MIS18A: variants seen among roughly 807,000 people sequenced by gnomAD.
The protein encoded by MIS18A is protein Mis18-alpha.
In MIS18A, 14 loss-of-function variants were observed where a neutral mutation model predicts 25.0. The ratio of observed to expected loss-of-function variants is 0.56; its 90% CI spans 0.37 to 0.88. MIS18A has a LOEUF of 0.88. MIS18A is among the 40% of genes least tolerant of loss of function. The pLI, the probability that MIS18A is intolerant of heterozygous loss-of-function variation, is 0.00. For synonymous variants in MIS18A, 134 were observed against 118.6 expected (o/e 1.13, Z -0.84); for missense variants, 292 against 290.8 (o/e 1.00, Z -0.03).
At chr21:32,222,735 T>C in the MIS18A span, among the ~76,000 whole-genome samples, 9 of 112,170 alleles carry the variant, frequency 8.0e-5, no homozygotes, top group South Asian at 1.1e-3. Context: ...ATCAAGACCA[T>C]CCTGGCTAAC....
chr21:32,157,374 CTT>C, the MIS18A span, among the ~76,000 whole-genome samples: 1 of 151,602 alleles, frequency 6.6e-6, no homozygotes, highest in East Asian at 1.9e-4. Context: ...TGGCTGTTTG[CTT>C]TTTCAGGAAT....
chr21:32,161,228 C>T, the MIS18A span, among the ~76,000 whole-genome samples: 39,704 of 152,110 alleles, frequency 0.26, 5,941 homozygotes, highest in Non-Finnish European at 0.31. Context: ...AGAATCCCAT[C>T]GAGGATACAA....
At chr21:32,202,197 G>C in the MIS18A span, among the ~76,000 whole-genome samples, 3 of 152,066 alleles carry the variant, frequency 2.0e-5, no homozygotes, top group Non-Finnish European at 4.4e-5. Context: ...GCTGAGGTGG[G>C]AGGATCACCT....
At chr21:32,159,813 A>G in the MIS18A span, among the ~76,000 whole-genome samples, 1 of 152,214 alleles carries the variant, frequency 6.6e-6, no homozygotes, top group African/African-American at 2.4e-5. Flanking sequence ...TTATCTGAAG[A>G]CCTAGTCAAC....
chr21:32,196,488 T>C, the MIS18A span, among the ~76,000 whole-genome samples: 1 of 143,448 alleles, frequency 7.0e-6, no homozygotes. Context: ...TGAGGCAGAG[T>C]CTCTCTCTGT....
At chr21:32,213,898 CT>C in the MIS18A span, among the ~76,000 whole-genome samples, 3 of 152,306 alleles carry the variant, frequency 2.0e-5, no homozygotes, top group East Asian at 5.8e-4. Context: ...TATCAAGATC[CT>C]TGTGGTTACA....
chr21:32,278,714 T>G lies in MIS18A; in HGVS notation c.301A>C (p.Ser101Arg). Residue 101 changes from serine (S) to arginine (R), a missense_variant, in exon 1 of 5, where the codon AGC (serine) becomes CGC (arginine). Transcript: ENST00000290130. ...PLGDSLSWVA[S>R]QEDTNCILLR... ...AGGATGCAGTTGGTGTCCTCCTGGC[T>G]GGCCACCCAGCTCAGCGAGTCGCCC... The G allele has an allele frequency of 6.3e-7, 1 of 1,578,600 alleles. No homozygotes were observed. Among genetic ancestry groups the G allele is most frequent in the African/African-American group, 1.3e-5 (1 of 74,790 alleles).
At chr21:32,207,185 A>G in the MIS18A span, among the ~76,000 whole-genome samples, 1 of 152,218 alleles carries the variant, frequency 6.6e-6, no homozygotes, top group Non-Finnish European at 1.5e-5. Flanking sequence ...GAGCTTCTAC[A>G]AGTAACAAAT....
rs550859584 is a variant in MIS18A at position 32,275,094 on chromosome 21, C to A, written c.335-198G>T. Among the ~76,000 whole-genome samples, 4 of 152,252 alleles carry A rather than the reference C, an allele frequency of 2.6e-5. No homozygotes were observed. The East Asian group carries it at 7.7e-4, about 29-fold the overall frequency. The stretch of plus-strand genomic sequence containing the variant: ...ATAGCAGAATAAGAGTTATTTCCAA[C>A]CAGGCGCAGGGACTCACACCTGTCA... On this transcript the variant is annotated intron_variant, in intron 1 of 4. Transcript: ENST00000290130.
the MIS18A span, among the ~76,000 whole-genome samples, chr21:32,166,878 A>G: frequency 6.6e-6 from 1 of 152,262 alleles, no homozygotes; most frequent in East Asian, 1.9e-4. Flanking sequence ...CAGTGGAGAA[A>G]ACTTCCAATT....
the MIS18A span, among the ~76,000 whole-genome samples, chr21:32,194,233 C>T: frequency 0.15 from 22,865 of 152,124 alleles, 1,823 homozygotes; most frequent in East Asian, 0.24. Context: ...TCCTTCTGTA[C>T]TTTTGTTTAT....
At chr21:32,154,748 C>T in the MIS18A span, among the ~76,000 whole-genome samples, 1 of 151,244 alleles carries the variant, frequency 6.6e-6, no homozygotes, top group Admixed American at 6.6e-5. Flanking sequence ...TTATATAATT[C>T]TACAGTGTTA....
At chr21:32,199,217 G>A in the MIS18A span, among the ~76,000 whole-genome samples, 1 of 152,098 alleles carries the variant, frequency 6.6e-6, no homozygotes, top group Non-Finnish European at 1.5e-5. Context: ...ACAGGTTTAG[G>A]TATTTTAGGG....
At chr21:32,266,174 A>G (rs987540419), downstream of MIS18A, among the ~76,000 whole-genome samples, 9 of 152,112 alleles carry the variant, frequency 5.9e-5, no homozygotes, top group African/African-American at 1.9e-4. Context: ...GAATGCACCA[A>G]TCAACACTCT....
the MIS18A span, among the ~76,000 whole-genome samples, chr21:32,154,973 G>A: frequency 6.6e-6 from 1 of 152,176 alleles, no homozygotes; most frequent in Admixed American, 6.5e-5. Context: ...GCTGCTGTGA[G>A]TTTGGTTTTT....
rs778201325 is a variant in MIS18A, at chr21:32,278,962, TCA to T, written c.51_52del (p.Cys17Ter). ...GCTGCATTTGCCCTTGTCGCCGCACTCACAGCCGCCAGCGCATCCTCTGCTAC... is the reference window on the plus strand; with the variant it reads ...GCTGCATTTGCCCTTGTCGCCGCACTCAGCCGCCAGCGCATCCTCTGCTAC... On this transcript the variant is annotated stop_gained and frameshift_variant, in exon 1 of 5. Transcript: ENST00000290130. LOFTEE classifies it high-confidence loss of function. 6.2e-7 allele frequency: 1 copy of T among 1,612,198 alleles called. No homozygotes were observed. The highest frequency in any genetic ancestry group is 1.3e-5 in the African/African-American group (1 of 75,034).
the MIS18A span, among the ~76,000 whole-genome samples, chr21:32,223,236 C>A: frequency 1.3e-5 from 2 of 151,782 alleles, no homozygotes; most frequent in African/African-American, 4.8e-5. Flanking sequence ...TAAGAACAAA[C>A]AAATTCAAAA....
chr21:32,219,848 C>G, the MIS18A span, among the ~76,000 whole-genome samples: 1 of 152,196 alleles, frequency 6.6e-6, no homozygotes, highest in Admixed American at 6.5e-5. Context: ...ACAGTGTAAA[C>G]AAAGCCTTAG....
At chr21:32,208,200 T>C in the MIS18A span, among the ~76,000 whole-genome samples, 1 of 152,200 alleles carries the variant, frequency 6.6e-6, no homozygotes, top group Non-Finnish European at 1.5e-5. Context: ...TCTGTGGACA[T>C]GTGAATGTGA....
Sources: allele counts gnomAD v4.1 joint callset (sites outside exome capture counted in the v4.1 genomes callset), GRCh38; gene constraint gnomAD v4.1.1; transcripts MANE v1.5; gene names NCBI Gene and HGNC (gene_info 2026-07-23, HGNC 2026-07-21).